The following KATNAL1 variants were observed in gnomAD, a reference collection of about 807,000 sequenced individuals.
KATNAL1 encodes the protein katanin p60 ATPase-containing subunit A-like 1.
In KATNAL1, 32 loss-of-function variants were observed where a neutral mutation model predicts 55.2. The observed-to-expected ratio is 0.58, with a 90% CI of 0.44 to 0.78. The LOEUF (loss-of-function observed/expected upper bound fraction) is 0.78, where lower values mean the gene tolerates loss of function less well. Among genes scored for constraint, KATNAL1 ranks in the 30% least tolerant of loss-of-function variants. KATNAL1 has a pLI of 0.00. For synonymous variants in KATNAL1, 193 were observed against 193.6 expected, an observed-to-expected ratio of 1.00 and a Z score of 0.02; for missense variants, 466 against 600.9, an observed-to-expected ratio of 0.78 and a Z score of 2.35.
rs569538730 is a variant in KATNAL1 at position 30,245,373 on chromosome 13, C to T, written c.493-4287G>A. On this transcript the variant is annotated intron_variant, in intron 4 of 10. Coordinates refer to ENST00000380615, the MANE Select transcript of KATNAL1 (RefSeq NM_032116.5). ...CAACACCCCTTCATGCTAAAAACTC[C>T]CAATATACTAGGTATCGATGGAACA... Among the ~76,000 whole-genome samples, 75 of 152,110 alleles carry T rather than the reference C, an allele frequency of 4.9e-4. No homozygotes were observed. The Middle Eastern group carries it at 0.017, about 34-fold the overall frequency.
intron 3 of KATNAL1, among the ~76,000 whole-genome samples, chr13:30,270,299 G>T (rs1880217550): frequency 6.7e-6 from 1 of 149,218 alleles, no homozygotes; most frequent in African/African-American, 2.5e-5. Context: ...GGAGGGAGGT[G>T]GGGGGTCAGC....
chr13:30,222,295 G>A (rs544506428), intron 9 of KATNAL1, among the ~76,000 whole-genome samples: 2 of 152,236 alleles, frequency 1.3e-5, no homozygotes, highest in Non-Finnish European at 2.9e-5. Context: ...TGCAACACTG[G>A]CTCTCCCTGG....
intron 1 of KATNAL1, among the ~76,000 whole-genome samples, chr13:30,288,661 C>A (rs556137452): frequency 6.6e-6 from 1 of 152,300 alleles, no homozygotes; most frequent in East Asian, 1.9e-4. Flanking sequence ...AAATTGATTT[C>A]TAAAGCCATT....
intron 5 of KATNAL1, 125 bp from the exon 6 acceptor site, chr13:30,240,690 C>T (rs1248285884): frequency 1.4e-6 from 1 of 710,046 alleles, no homozygotes; most frequent in East Asian, 2.7e-5. Context: ...TATTCTAATT[C>T]TTACTGCATA....
chr13:30,214,833 T>C (rs950698818), intron 9 of KATNAL1, among the ~76,000 whole-genome samples: 1 of 150,842 alleles, frequency 6.6e-6, no homozygotes, highest in African/African-American at 2.5e-5. Context: ...GAAGAAAACC[T>C]AGGCATTACC....
rs186427550 is a variant in KATNAL1 at position 30,227,256 on chromosome 13, T to C, written c.1147+156A>G. Among the ~76,000 whole-genome samples the C allele has an allele frequency of 1.6e-3, 248 of 152,340 alleles. 1 individual carries two copies. Among genetic ancestry groups the C allele is most frequent in the African/African-American group, 5.5e-3 (227 of 41,582 alleles). ...GAATTTCTCTGAAACATAAGAAATT[T>C]CAATAGAGTACTGTGGCCTGTGTTC... is the stretch of plus-strand genomic sequence containing the variant. On this transcript the variant is annotated intron_variant, in intron 9 of 10. Transcript: ENST00000380615.
chr13:30,274,895 GCGCGCGCGCGCGCACAC>G (rs1443063647), intron 3 of KATNAL1, among the ~76,000 whole-genome samples: 15 of 98,142 alleles, frequency 1.5e-4, no homozygotes, highest in African/African-American at 6.7e-4. Context: ...ACACATACGC[GCGCGCGCGCGCGCACAC>G]ACACACACAC....
chr13:30,276,231 A>C (rs1253491216), intron 3 of KATNAL1, among the ~76,000 whole-genome samples: 1 of 152,246 alleles, frequency 6.6e-6, no homozygotes, highest in African/African-American at 2.4e-5. Flanking sequence ...GATTTATCCA[A>C]GCAACTGCTG....
chr13:30,263,735 C>G (rs1410388065), intron 3 of KATNAL1, among the ~76,000 whole-genome samples: 77 of 136,228 alleles, frequency 5.7e-4, no homozygotes, highest in African/African-American at 1.6e-3. Context: ...AGGATACAAA[C>G]AAATGGAAGA....
Position 30,204,654 on chromosome 13 carries a change from A to G in KATNAL1, c.*3886T>C, listed in dbSNP as rs567142327. 6.6e-6 allele frequency: 1 copy of G among 152,340 alleles called. No individual in the cohort carries two copies. Among genetic ancestry groups the G allele is most frequent in the Admixed American group, 6.5e-5 (1 of 15,308 alleles). The allele number at this position is 152,340 out of a possible 1,614,324, so 9.4% of individuals were successfully genotyped here. On this transcript the variant is annotated 3_prime_UTR_variant, in exon 11 of 11. Transcript: ENST00000380615. ...CATACTGTAAATTTGGGTTGTACAC[A>G]CACATTTTCCCCTGATGTATGTGTA... is the stretch of plus-strand genomic sequence containing the variant.
intron 10 of KATNAL1, among the ~76,000 whole-genome samples, chr13:30,210,003 C>G (rs1008118767): frequency 6.6e-6 from 1 of 152,032 alleles, no homozygotes; most frequent in African/African-American, 2.4e-5. Context: ...AGGATGGTCT[C>G]GATCTCCTGA....
intron 1 of KATNAL1, among the ~76,000 whole-genome samples, chr13:30,289,041 T>C (rs1881971855): frequency 6.6e-6 from 1 of 152,250 alleles, no homozygotes; most frequent in Non-Finnish European, 1.5e-5. Context: ...TACCATCAGT[T>C]ATAACACATC....
intron 3 of KATNAL1, among the ~76,000 whole-genome samples, chr13:30,262,299 A>G (rs1879364616): frequency 6.6e-6 from 1 of 152,142 alleles, no homozygotes; most frequent in East Asian, 2.0e-4. Flanking sequence ...TAACATCACA[A>G]TTAAAAGAAC....
Position 30,269,170 on chromosome 13 carries a change from G to C in KATNAL1, c.323+10893C>G, listed in dbSNP as rs1200259797. Among the ~76,000 whole-genome samples, 108 of 152,054 alleles carry C rather than the reference G, an allele frequency of 7.1e-4. 1 individual carries two copies. Among genetic ancestry groups the C allele is most frequent in the Non-Finnish European group, 1.9e-4 (13 of 68,024 alleles). On this transcript the variant is annotated intron_variant, in intron 3 of 10. Transcript: ENST00000380615. ...TGTACTGCTGCCATCTCGGCCCACTGCAACCTCCCTGCCTGATTCTCCTGC... is the reference window on the plus strand; with the variant it reads ...TGTACTGCTGCCATCTCGGCCCACTCCAACCTCCCTGCCTGATTCTCCTGC...
intron 1 of KATNAL1, among the ~76,000 whole-genome samples, chr13:30,299,785 G>GAGT (rs1265170534): frequency 6.6e-6 from 1 of 152,180 alleles, no homozygotes; most frequent in Non-Finnish European, 1.5e-5. Flanking sequence ...CCTTCAAGGA[G>GAGT]AGTTCTAGGC....
intron 4 of KATNAL1, among the ~76,000 whole-genome samples, chr13:30,246,040 A>C (rs921798963): frequency 3.9e-5 from 6 of 152,228 alleles, no homozygotes; most frequent in African/African-American, 1.2e-4. Flanking sequence ...AATTAGAAAA[A>C]AACTACTTTA....
At chr13:30,300,969 C>G (rs1302816714) in intron 1 of KATNAL1, among the ~76,000 whole-genome samples, 1 of 152,166 alleles carries the variant, frequency 6.6e-6, no homozygotes. Flanking sequence ...AAGTAACCAT[C>G]ACAGTAATTT....
chr13:30,232,795 C>G (rs1876238435), intron 6 of KATNAL1, among the ~76,000 whole-genome samples: 4 of 152,028 alleles, frequency 2.6e-5, no homozygotes, highest in African/African-American at 7.2e-5. Context: ...CTGGCTCTTT[C>G]CCCTCGGTAT....
At chr13:30,247,410 A>G (rs1288385556) in intron 4 of KATNAL1, among the ~76,000 whole-genome samples, 1 of 152,214 alleles carries the variant, frequency 6.6e-6, no homozygotes, top group African/African-American at 2.4e-5. Context: ...ACACCTATCA[A>G]TACGTATGTT....
Sources: allele counts gnomAD v4.1 joint callset (sites outside exome capture counted in the v4.1 genomes callset), GRCh38; gene constraint gnomAD v4.1.1; transcripts MANE v1.5; gene names NCBI Gene and HGNC (gene_info 2026-07-23, HGNC 2026-07-21).